RARB: variants seen among roughly 807,000 people sequenced by gnomAD.
RARB encodes the protein HBV-activated protein.
A neutral mutation model predicts 51.9 loss-of-function variants in RARB; 17 were observed. That is an observed-to-expected ratio of 0.33 (90% CI 0.22 to 0.49). The LOEUF is 0.49. Among genes scored for constraint, RARB ranks in the 20% least tolerant of loss-of-function variants. The pLI, the probability that RARB is intolerant of heterozygous loss-of-function variation, is 0.99. For missense variants in RARB, 369 were observed against 550.8 expected (o/e 0.67, Z 3.30); for synonymous variants, 215 against 195.4 (o/e 1.10, Z -0.84).
intron 5 of RARB, among the ~76,000 whole-genome samples, chr3:25,280,559 G>A (rs1322635258): frequency 6.6e-6 from 1 of 152,042 alleles, no homozygotes; most frequent in Non-Finnish European, 1.5e-5. Flanking sequence ...TGGGGTATTG[G>A]GTGTCAAATA....
intron 5 of RARB, among the ~76,000 whole-genome samples, chr3:25,364,026 A>G (rs778369990): frequency 6.6e-6 from 1 of 151,936 alleles, no homozygotes; most frequent in African/African-American, 2.4e-5. Context: ...TTCTCTTTCA[A>G]ATTTCAATGC....
intron 5 of RARB, among the ~76,000 whole-genome samples, chr3:25,229,638 A>G (rs772834360): frequency 2.0e-4 from 30 of 151,766 alleles, no homozygotes; most frequent in Non-Finnish European, 2.2e-4. Context: ...ATTAAGTTCT[A>G]TGCTTTGAAT....
intron 5 of RARB, among the ~76,000 whole-genome samples, chr3:25,360,285 C>G (rs970966228): frequency 6.6e-6 from 1 of 152,150 alleles, no homozygotes; most frequent in Non-Finnish European, 1.5e-5. Flanking sequence ...TTATCAGAGA[C>G]TAGGATTGCA....
chr3:25,416,484 G>A (rs1707707456), intron 5 of RARB, among the ~76,000 whole-genome samples: 1 of 152,178 alleles, frequency 6.6e-6, no homozygotes, highest in Non-Finnish European at 1.5e-5. Flanking sequence ...CCAGTTCCAG[G>A]ACTGCCGCTA....
At chr3:25,127,230 A>T (rs967928363) in intron 3 of RARB, among the ~76,000 whole-genome samples, 4 of 152,146 alleles carry the variant, frequency 2.6e-5, no homozygotes, top group African/African-American at 7.2e-5. Context: ...TGACTGTGGC[A>T]TACAAGAGAT....
At chr3:25,063,792 C>T (rs1159014953) in intron 3 of RARB, among the ~76,000 whole-genome samples, 1 of 150,812 alleles carries the variant, frequency 6.6e-6, no homozygotes, top group Admixed American at 6.6e-5. Context: ...GTTATATTTT[C>T]AGACTCAGCT....
intron 1 of RARB, among the ~76,000 whole-genome samples, chr3:24,835,047 C>A (rs1415185006): frequency 6.6e-6 from 1 of 151,798 alleles, no homozygotes; most frequent in East Asian, 1.9e-4. Flanking sequence ...AATTGTCTTT[C>A]TTCATCACTC....
At chr3:25,196,315 G>A (rs1701234970) in intron 5 of RARB, among the ~76,000 whole-genome samples, 1 of 151,940 alleles carries the variant, frequency 6.6e-6, no homozygotes, top group South Asian at 2.1e-4. Context: ...GTGAGAACAT[G>A]TAGTGTTTGG....
rs191159517 is a variant in RARB, at chr3:24,869,525, C to T, written c.-380+10773C>T. On this transcript the variant is annotated intron_variant, in intron 2 of 11. Coordinates refer to the RARB transcript ENST00000383772. ...GGAGAGAATGAATCCCTTCACAAAA[C>T]TAGTTTTACAAAATGCATATACATA... 7.9e-5 allele frequency among the ~76,000 whole-genome samples: 12 copies of T among 152,116 alleles called. No individual in the cohort carries two copies. In the East Asian group the frequency reaches 2.1e-3, roughly 27 times the overall value.
At chr3:25,413,343 T>C (rs1466928390) in intron 5 of RARB, among the ~76,000 whole-genome samples, 1 of 152,240 alleles carries the variant, frequency 6.6e-6, no homozygotes. Flanking sequence ...TCTTCTATTG[T>C]GTGAATATAT....
chr3:25,509,506 G>A (rs2125618264), intron 3 of RARB, among the ~76,000 whole-genome samples: 2 of 152,318 alleles, frequency 1.3e-5, no homozygotes, highest in East Asian at 3.9e-4. Context: ...CAGCTTAGAA[G>A]TGCAGCTCCA....
chr3:24,908,402 A>G (rs952539654), intron 2 of RARB, among the ~76,000 whole-genome samples: 6 of 152,212 alleles, frequency 3.9e-5, no homozygotes, highest in South Asian at 4.1e-4. Flanking sequence ...TGCTATGTAC[A>G]TTGAAAGTCA....
chr3:25,500,744 G>A (rs891983678), intron 2 of RARB, among the ~76,000 whole-genome samples: 11 of 152,126 alleles, frequency 7.2e-5, no homozygotes, highest in African/African-American at 2.6e-4. Flanking sequence ...CTCCCAAAGT[G>A]CTGGGATTAC....
At chr3:25,479,419 T>G (rs1453248619) in intron 2 of RARB, among the ~76,000 whole-genome samples, 2 of 152,250 alleles carry the variant, frequency 1.3e-5, no homozygotes, top group African/African-American at 2.4e-5. Context: ...ATGAATTTTA[T>G]TTTTCTTTTT....
At chr3:24,870,013 T>C (rs1575045149) in intron 2 of RARB, among the ~76,000 whole-genome samples, 2 of 152,106 alleles carry the variant, frequency 1.3e-5, no homozygotes, top group African/African-American at 4.8e-5. Context: ...TATCACTTCA[T>C]GTTCAGTGAA....
intron 3 of RARB, among the ~76,000 whole-genome samples, chr3:25,563,410 C>G (rs1177091844): frequency 6.6e-6 from 1 of 152,152 alleles, no homozygotes; most frequent in Non-Finnish European, 1.5e-5. Context: ...GACCTTTTTT[C>G]TCTGTATATT....
At chr3:25,096,887 A>T (rs571442935) in intron 3 of RARB, among the ~76,000 whole-genome samples, 1 of 152,314 alleles carries the variant, frequency 6.6e-6, no homozygotes, top group South Asian at 2.1e-4. Flanking sequence ...GTGATATGGG[A>T]TATAAAGTGC....
intron 2 of RARB, among the ~76,000 whole-genome samples, chr3:24,865,415 A>G (rs1994906): frequency 0.71 from 108,164 of 152,050 alleles, 39,219 homozygotes; most frequent in East Asian, 0.97. Context: ...GCATTGACTC[A>G]TTGAATCCTC....
intron 2 of RARB, among the ~76,000 whole-genome samples, chr3:25,483,396 G>C (rs1419563571): frequency 1.3e-5 from 2 of 152,184 alleles, no homozygotes; most frequent in African/African-American, 2.4e-5. Flanking sequence ...GAGGATGTCA[G>C]ATGATAATGA....
Sources: gnomAD v4.1 joint callset for allele counts (sites outside exome capture counted in the v4.1 genomes callset) on GRCh38, gnomAD v4.1.1 for gene constraint, MANE v1.5 for transcripts, NCBI Gene and HGNC (gene_info 2026-07-23, HGNC 2026-07-21) for gene names.